Variants in MAN1C1 observed in about 807,000 individuals in gnomAD.
The protein encoded by MAN1C1 is mannosidase alpha class 1C member 1, also known as mannosyl-oligosaccharide 1,2-alpha-mannosidase IC.
Under a neutral mutation model 71.5 loss-of-function variants are expected in MAN1C1, and 49 were observed. The ratio of observed to expected loss-of-function variants is 0.69; its 90% CI spans 0.54 to 0.87. MAN1C1 has a LOEUF of 0.87. Among genes scored for constraint, MAN1C1 ranks in the 40% least tolerant of loss-of-function variants. The pLI is 0.00. For missense variants in MAN1C1, 743 were observed against 835.0 expected, an observed-to-expected ratio of 0.89 and a Z score of 1.36; for synonymous variants, 352 against 343.7, an observed-to-expected ratio of 1.02 and a Z score of -0.27.
chr1:25,675,585 G>T (rs1199907021), intron 1 of MAN1C1, among the ~76,000 whole-genome samples: 3 of 90,470 alleles, frequency 3.3e-5, no homozygotes, highest in Admixed American at 1.6e-4. Context: ...CTTATTTTGC[G>T]GGGGGGGGGG....
At position 25,783,800 on chromosome 1, in the gene MAN1C1, T is replaced by TGCCGCCGCCCTGGG; in HGVS notation, c.*20_*33dup. 1 of 1,607,774 alleles carries TGCCGCCGCCCTGGG rather than the reference T, an allele frequency of 6.2e-7. No individual in the cohort carries two copies. Among genetic ancestry groups the TGCCGCCGCCCTGGG allele is most frequent in the South Asian group, 1.1e-5 (1 of 91,060 alleles). On this transcript the variant is annotated 3_prime_UTR_variant, in exon 12 of 12. Transcript: ENST00000374332. ...TGGGGCAGACACTGACCCCATCTCC[T>TGCCGCCGCCCTGGG]GCCGCCGCCCTGGGGCCGCCGCAGG...
chr1:25,724,404 T>C (rs914546087), intron 2 of MAN1C1, among the ~76,000 whole-genome samples: 2 of 152,164 alleles, frequency 1.3e-5, no homozygotes, highest in Non-Finnish European at 2.9e-5. Flanking sequence ...GATCCTTGGC[T>C]TGGACAACTG....
At chr1:25,690,449 C>T (rs528656568) in intron 2 of MAN1C1, among the ~76,000 whole-genome samples, 8 of 152,296 alleles carry the variant, frequency 5.3e-5, no homozygotes, top group African/African-American at 1.2e-4. Context: ...TGTGCCACCA[C>T]GTCCGGCTAA....
intron 2 of MAN1C1, among the ~76,000 whole-genome samples, chr1:25,702,604 G>A (rs1217334358): frequency 2.0e-5 from 3 of 152,182 alleles, no homozygotes; most frequent in East Asian, 1.9e-4. Context: ...GGCACCAGGG[G>A]GCCTGGTTCA....
At position 25,782,611 on chromosome 1, in the gene MAN1C1, A is replaced by G; in HGVS notation, c.1677A>G (p.Glu559=). The G allele has an allele frequency of 6.2e-7, 1 of 1,614,062 alleles. No homozygotes were observed. Among genetic ancestry groups the G allele is most frequent in the Non-Finnish European group, 8.5e-7 (1 of 1,179,982 alleles). ...VLALEKYCRT[E]AGFSGIQDVY... ...CCTTGGAGAAATACTGTCGGACAGA[A>G]GCCGGTTTCTCTGGGATCCAAGACG... The change falls in exon 11 of 12, where the codon GAA becomes GAG. Residue 559 remains glutamate (E), a synonymous_variant. Transcript: ENST00000374332. This position sits in a 1 kb window ranked among gnomAD's most constrained non-coding sequence, Gnocchi z 4.4.
intron 1 of MAN1C1, among the ~76,000 whole-genome samples, chr1:25,629,831 G>A (rs1382502495): frequency 1.3e-5 from 2 of 151,488 alleles, no homozygotes; most frequent in Non-Finnish European, 2.9e-5. Flanking sequence ...CTCCCATTAT[G>A]TGCATTGTCT....
intron 2 of MAN1C1, among the ~76,000 whole-genome samples, chr1:25,739,031 G>A (rs2047021225): frequency 6.6e-6 from 1 of 152,070 alleles, no homozygotes; most frequent in Admixed American, 6.6e-5. Context: ...CAGGCATGGT[G>A]GTGCACTCCT....
At chr1:25,697,625 C>T (rs79795114) in intron 2 of MAN1C1, among the ~76,000 whole-genome samples, 2,807 of 152,262 alleles carry the variant, frequency 0.018, 29 homozygotes, top group Non-Finnish European at 0.026. Flanking sequence ...TGAGGAACTG[C>T]CAGACTGTTC....
At chr1:25,744,049 A>G (rs1009413890) in intron 2 of MAN1C1, among the ~76,000 whole-genome samples, 4 of 152,182 alleles carry the variant, frequency 2.6e-5, no homozygotes, top group Admixed American at 6.5e-5. Flanking sequence ...TTCATCTATG[A>G]CAATGAAGGG....
rs1233242103 is a variant in MAN1C1 at position 25,634,216 on chromosome 1, T to C, written c.540+15879T>C. Among the ~76,000 whole-genome samples the C allele has an allele frequency of 6.6e-6, 1 of 152,238 alleles. No homozygotes were observed. The highest frequency in any genetic ancestry group is 1.5e-5 in the Non-Finnish European group (1 of 68,044). ...TCCTTTACAGTTTATATGCTTCTTA[T>C]TTCCTTTTCTTGCTTCATTGCGCTG... On this transcript the variant is annotated intron_variant, in intron 1 of 11. Coordinates refer to ENST00000374332, the MANE Select transcript of MAN1C1 (RefSeq NM_020379.4). The surrounding 1 kb of genome is among the most constrained non-coding windows in gnomAD (Gnocchi z 4.6).
intron 1 of MAN1C1, among the ~76,000 whole-genome samples, chr1:25,671,929 G>A (rs138326027): frequency 4.6e-5 from 7 of 152,294 alleles, no homozygotes; most frequent in Non-Finnish European, 8.8e-5. Context: ...GTAGAGGTGG[G>A]ACTTATTAGG....
rs2047396078 is a variant in MAN1C1 at position 25,764,020 on chromosome 1, C to T, written c.1141+53C>T. 6.9e-7 allele frequency: 1 copy of T among 1,451,674 alleles called. No individual in the cohort carries two copies. Among genetic ancestry groups the T allele is most frequent in the South Asian group, 1.1e-5 (1 of 87,698 alleles). The allele number at this position is 1,451,674 out of a possible 1,614,324, so 89.9% of individuals were successfully genotyped here. A position where few individuals can be genotyped will look rare whatever the true frequency, so the allele number is the denominator to read the frequency against. ...ATTCAGCGGGTTCCTGCCCAGGCTT[C>T]CTAGGAAGACCCTGCCAGGCCCCTG... On this transcript the variant is annotated intron_variant, in intron 7 of 11. Coordinates refer to ENST00000374332, the MANE Select transcript of MAN1C1 (RefSeq NM_020379.4). The surrounding 1 kb of genome is among the most constrained non-coding windows in gnomAD (Gnocchi z 4.4).
chr1:25,774,153 T>G (rs1005955596), intron 8 of MAN1C1, among the ~76,000 whole-genome samples: 1 of 152,192 alleles, frequency 6.6e-6, no homozygotes, highest in Admixed American at 6.5e-5. Flanking sequence ...AAAAGTTCCT[T>G]CCACAATTCT....
At chr1:25,644,431 G>T (rs959855214) in intron 1 of MAN1C1, 1 of 147,874 alleles carries the variant, frequency 6.8e-6, no homozygotes, top group South Asian at 2.1e-4. Context: ...TGAAATCTAG[G>T]TGGACACATC....
chr1:25,617,902 G>A lies in MAN1C1; in HGVS notation c.105G>A (p.Leu35=). The A allele has an allele frequency of 6.2e-7, 1 of 1,608,212 alleles. No homozygotes were observed. Among genetic ancestry groups the A allele is most frequent in the South Asian group, 1.1e-5 (1 of 90,290 alleles). ...FLLFLSGLVT[L]CFGALFLLPH... ...TCTTCCTCTCGGGCCTGGTCACCCTGTGCTTCGGGGCCCTCTTCCTGCTGC... is the reference window on the plus strand; with the variant it reads ...TCTTCCTCTCGGGCCTGGTCACCCTATGCTTCGGGGCCCTCTTCCTGCTGC... Residue 35 remains leucine (L), a synonymous_variant, in exon 1 of 12, where the codon CTG becomes CTA. Transcript: ENST00000374332. The surrounding 1 kb of genome is among the most constrained non-coding windows in gnomAD (Gnocchi z 5.1).
Position 25,632,835 on chromosome 1 carries a change from C to T in MAN1C1, c.540+14498C>T, listed in dbSNP as rs11811708. On this transcript the variant is annotated intron_variant, in intron 1 of 11. Coordinates refer to ENST00000374332, the MANE Select transcript of MAN1C1 (RefSeq NM_020379.4). Reference sequence around the variant, plus strand: ...GTTGATTTCTAGCTTTATTCCACTGCGGTCTGAGAAGATACTTGATACAAT... The same window carrying T: ...GTTGATTTCTAGCTTTATTCCACTGTGGTCTGAGAAGATACTTGATACAAT... 5.5e-4 allele frequency among the ~76,000 whole-genome samples: 82 copies of T among 149,962 alleles called. 1 individual carries two copies. The highest frequency in any genetic ancestry group is 3.5e-3 in the Middle Eastern group (1 of 286).
chr1:25,669,444 A>G (rs2045966158), intron 1 of MAN1C1, among the ~76,000 whole-genome samples: 1 of 152,158 alleles, frequency 6.6e-6, no homozygotes, highest in African/African-American at 2.4e-5. Context: ...CACATCTGGC[A>G]AAAGGGCTGG....
At chr1:25,621,133 C>T (rs1397114023) in intron 1 of MAN1C1, among the ~76,000 whole-genome samples, 1 of 152,172 alleles carries the variant, frequency 6.6e-6, no homozygotes, top group South Asian at 2.1e-4. Flanking sequence ...TGCTTCTGGC[C>T]CTGGCCCCTA....
chr1:25,697,928 G>A (rs777536333), intron 2 of MAN1C1, among the ~76,000 whole-genome samples: 1 of 152,174 alleles, frequency 6.6e-6, no homozygotes, highest in African/African-American at 2.4e-5. Context: ...CCTGCTGAAT[G>A]CTGCCTCTCT....
Sources: gnomAD v4.1 joint callset for allele counts (sites outside exome capture counted in the v4.1 genomes callset) on GRCh38, gnomAD v4.1.1 for gene constraint, Gnocchi (gnomAD v3.1) non-coding constraint, MANE v1.5 for transcripts, NCBI Gene and HGNC (gene_info 2026-07-23, HGNC 2026-07-21) for gene names.